Variants in ATP2A2 observed in about 807,000 individuals in gnomAD.
ATP2A2 encodes sarcoplasmic/endoplasmic reticulum calcium ATPase 2.
A neutral mutation model predicts 109.3 loss-of-function variants in ATP2A2; 14 were observed. The ratio of observed to expected loss-of-function variants is 0.13; its 90% confidence interval spans 0.08 to 0.20. ATP2A2 has a LOEUF of 0.20. ATP2A2 is among the 10% of genes least tolerant of loss of function. The pLI, the probability that ATP2A2 is intolerant of heterozygous loss-of-function variation, is 1.00. For missense variants in ATP2A2, 657 were observed against 1,321.6 expected (o/e 0.50, Z 7.80); for synonymous variants, 506 against 490.9 (o/e 1.03, Z -0.41).
chr12:110,285,396 T>C (rs1053943782), intron 3 of ATP2A2, among the ~76,000 whole-genome samples: 2 of 152,230 alleles, frequency 1.3e-5, no homozygotes, highest in African/African-American at 4.8e-5. Context: ...TTACCAACTT[T>C]GTTCTAAATG....
chr12:110,305,117 A>G (rs1048194505), intron 5 of ATP2A2, among the ~76,000 whole-genome samples: 3 of 152,140 alleles, frequency 2.0e-5, no homozygotes, highest in Non-Finnish European at 2.9e-5. Flanking sequence ...TATTTTTAGT[A>G]GAAACGGGGT....
chr12:110,300,063 G>A (rs576592037), intron 5 of ATP2A2, among the ~76,000 whole-genome samples: 2 of 150,366 alleles, frequency 1.3e-5, no homozygotes, highest in South Asian at 4.2e-4. Context: ...GCCTAAAGCA[G>A]CTCCTTCCGT....
rs1859349592 is a variant in ATP2A2 at position 110,350,320 on chromosome 12, A to G, written c.*3850A>G. ...TACTGGAGTAACCGCTTCCTAAACC[A>G]TTTTGCAGAAATGTAAGGGTGTTCG... On this transcript the variant is annotated 3_prime_UTR_variant, in exon 20 of 20. Transcript: ENST00000539276. 2 of 1,614,060 alleles carry G rather than the reference A, an allele frequency of 1.2e-6. No homozygotes were observed. Among genetic ancestry groups the G allele is most frequent in the Non-Finnish European group, 1.7e-6 (2 of 1,180,022 alleles).
chr12:110,332,436 A>C (rs1468698710), intron 8 of ATP2A2, 161 bp from the exon 9 acceptor site: 1 of 697,366 alleles, frequency 1.4e-6, no homozygotes, highest in African/African-American at 1.7e-5. Flanking sequence ...GGTAAGGGAC[A>C]GTACTGCTGA....
intron 6 of ATP2A2, 47 bp from the exon 7 acceptor site, chr12:110,326,343 G>T: frequency 6.5e-7 from 1 of 1,527,418 alleles, no homozygotes; most frequent in South Asian, 1.1e-5. Context: ...CTAGGTTCTT[G>T]GTGTGGGTCG....
intron 5 of ATP2A2, among the ~76,000 whole-genome samples, chr12:110,300,923 T>C (rs1056529025): frequency 2.6e-5 from 4 of 152,170 alleles, no homozygotes; most frequent in Non-Finnish European, 5.9e-5. Context: ...AAGGAGATTG[T>C]TTTTCCACAA....
intron 3 of ATP2A2, among the ~76,000 whole-genome samples, chr12:110,290,990 C>A (rs865853918): frequency 6.6e-6 from 1 of 151,826 alleles, no homozygotes; most frequent in Non-Finnish European, 1.5e-5. Flanking sequence ...CTCACCGCAA[C>A]CTCTGCCTCC....
At chr12:110,323,935 G>A (rs145435335) in intron 6 of ATP2A2, among the ~76,000 whole-genome samples, 1 of 152,250 alleles carries the variant, frequency 6.6e-6, no homozygotes, top group East Asian at 1.9e-4. Flanking sequence ...TTTTTCACTG[G>A]AGGAGTGCTA....
intron 10 of ATP2A2, 140 bp downstream of exon 10, chr12:110,333,423 ATGG>A (rs1193050314): frequency 1.0e-5 from 8 of 789,494 alleles, no homozygotes; most frequent in South Asian, 9.9e-5. Flanking sequence ...TCAGAACCTG[ATGG>A]TGGGGCCAGC....
At chr12:110,344,330 TC>T (rs1480648850) in intron 16 of ATP2A2, among the ~76,000 whole-genome samples, 4 of 152,182 alleles carry the variant, frequency 2.6e-5, no homozygotes, top group Non-Finnish European at 4.4e-5. Context: ...GCAATAAACT[TC>T]CTGAACTCAA....
intron 5 of ATP2A2, among the ~76,000 whole-genome samples, chr12:110,309,783 G>A (rs1421683476): frequency 6.6e-6 from 1 of 151,992 alleles, no homozygotes; most frequent in Non-Finnish European, 1.5e-5. Flanking sequence ...GTGCGTACCT[G>A]TAGTCCCAAC....
chr12:110,296,684 T>C lies in ATP2A2; in HGVS notation c.410T>C (p.Val137Ala). The C allele has an allele frequency of 1.2e-6, 2 of 1,614,182 alleles. No individual in the cohort carries two copies. The highest frequency in any genetic ancestry group is 1.7e-6 in the Non-Finnish European group (2 of 1,180,028). ...GKVYRQDRKS[V>A]QRIKAKDIVP... ...GTGTATCGACAGGACAGAAAGAGTG[T>C]GCAGCGGATTAAAGCTAAAGACATA... Residue 137 changes from valine (V) to alanine (A), a missense_variant, in exon 5 of 20, where the codon GTG (valine) becomes GCG (alanine). By Grantham distance (64) the Val-to-Ala change is moderately conservative. Transcript: ENST00000539276.
At chr12:110,318,566 A>G (rs1876908969) in intron 5 of ATP2A2, among the ~76,000 whole-genome samples, 3 of 152,126 alleles carry the variant, frequency 2.0e-5, no homozygotes, top group Admixed American at 2.0e-4. Flanking sequence ...CTCCGCCTCC[A>G]AGGCTCAAGC....
rs373613144 is a variant in ATP2A2, at chr12:110,304,608, TTA to T, written c.463+7873_463+7874del. ...TGGAGAAATGCCTGTTTAAATTAGG[TTA>T]TTTGTCTTTTTAATGTTGAGGTATA... On this transcript the variant is annotated intron_variant, in intron 5 of 19. Coordinates refer to ENST00000539276, the MANE Select transcript of ATP2A2 (RefSeq NM_170665.4). 9.9e-5 allele frequency among the ~76,000 whole-genome samples: 15 copies of T among 152,278 alleles called. No homozygotes were observed. In the South Asian group the frequency reaches 1.7e-3, roughly 17 times the overall value.
chr12:110,334,946 G>A (rs1364685157), intron 11 of ATP2A2, among the ~76,000 whole-genome samples: 1 of 152,128 alleles, frequency 6.6e-6, no homozygotes, highest in African/African-American at 2.4e-5. Context: ...AAAGGTCAAT[G>A]TGGTGATGGT....
At chr12:110,314,788 T>A (rs1167492181) in intron 5 of ATP2A2, among the ~76,000 whole-genome samples, 1 of 152,196 alleles carries the variant, frequency 6.6e-6, no homozygotes, top group African/African-American at 2.4e-5. Context: ...GAGACAGGTA[T>A]GTATAAATAT....
chr12:110,306,266 C>T lies in ATP2A2; in HGVS notation c.463+9529C>T, dbSNP rs867519092. ...ATGTTAGCCAGGATGGTCTCGATCT[C>T]CTGACCTCGTGATCCACCCGCCTTG... On this transcript the variant is annotated intron_variant, in intron 5 of 19. Coordinates refer to ENST00000539276, the MANE Select transcript of ATP2A2 (RefSeq NM_170665.4). 2.9e-4 allele frequency among the ~76,000 whole-genome samples: 44 copies of T among 152,330 alleles called. 1 individual carries two copies. Among genetic ancestry groups the T allele is most frequent in the Admixed American group, 2.2e-3 (34 of 15,308 alleles).
At chr12:110,286,596 C>T (rs530649489) in intron 3 of ATP2A2, among the ~76,000 whole-genome samples, 170 of 150,438 alleles carry the variant, frequency 1.1e-3, no homozygotes, top group Middle Eastern at 3.4e-3. Context: ...CTTTTTTTTC[C>T]GTTTTATTAA....
At chr12:110,325,168 G>A (rs955639393) in intron 6 of ATP2A2, among the ~76,000 whole-genome samples, 1 of 152,010 alleles carries the variant, frequency 6.6e-6, no homozygotes. Flanking sequence ...AGAGGTTCTC[G>A]AATATTATCT....
Sources: gnomAD v4.1 joint callset for allele counts (sites outside exome capture counted in the v4.1 genomes callset) on GRCh38, gnomAD v4.1.1 for gene constraint, MANE v1.5 for transcripts, NCBI Gene and HGNC (gene_info 2026-07-23, HGNC 2026-07-21) for gene names.